NEK1: variants seen among roughly 807,000 people sequenced by gnomAD.
NEK1 encodes serine/threonine-protein kinase Nek1.
A neutral mutation model predicts 182.1 loss-of-function variants in NEK1; 137 were observed. The observed-to-expected ratio is 0.75, with a 90% CI of 0.65 to 0.87. NEK1 has a LOEUF of 0.87. Ranked by LOEUF, NEK1 falls within the 40% of genes least tolerant of loss-of-function variation. NEK1 has a pLI of 0.00. For synonymous variants in NEK1, 513 were observed against 492.2 expected (o/e 1.04, Z -0.56); for missense variants, 1,391 against 1,494.4 (o/e 0.93, Z 1.14).
chr4:169,419,655 G>A (rs148936833), intron 31 of NEK1, among the ~76,000 whole-genome samples: 11 of 152,268 alleles, frequency 7.2e-5, no homozygotes, highest in South Asian at 4.1e-4. Flanking sequence ...GATACGTTAC[G>A]AGAAAAGTGT....
intron 2 of NEK1, among the ~76,000 whole-genome samples, chr4:169,611,046 A>G (rs1227192363): frequency 6.6e-6 from 1 of 152,256 alleles, no homozygotes; most frequent in African/African-American, 2.4e-5. Flanking sequence ...CTATTCAGAC[A>G]ATATTCAACA....
chr4:169,478,806 C>A (rs1243596408), intron 24 of NEK1, among the ~76,000 whole-genome samples: 1 of 152,180 alleles, frequency 6.6e-6, no homozygotes, highest in Non-Finnish European at 1.5e-5. Context: ...CTTCTCTTAA[C>A]CCCTGAACAG....
At chr4:169,514,865 C>T (rs1345701759) in intron 19 of NEK1, among the ~76,000 whole-genome samples, 8 of 151,962 alleles carry the variant, frequency 5.3e-5, no homozygotes, top group Non-Finnish European at 8.8e-5. Flanking sequence ...TTCTTAATTA[C>T]TTCATTCTGC....
intron 16 of NEK1, among the ~76,000 whole-genome samples, chr4:169,558,028 T>C (rs1361519573): frequency 3.3e-5 from 5 of 152,088 alleles, no homozygotes; most frequent in African/African-American, 1.2e-4. Flanking sequence ...AAGACAAAAT[T>C]TGTCTTCCAT....
chr4:169,602,910 G>A (rs934760046), intron 2 of NEK1, among the ~76,000 whole-genome samples: 2 of 152,050 alleles, frequency 1.3e-5, no homozygotes, highest in Non-Finnish European at 1.5e-5. Flanking sequence ...GCTTTGGAAA[G>A]CCAAATACTG....
At chr4:169,607,601 T>C (rs1184114210) in intron 2 of NEK1, among the ~76,000 whole-genome samples, 1 of 152,026 alleles carries the variant, frequency 6.6e-6, no homozygotes, top group African/African-American at 2.4e-5. Context: ...TAGCTGGGAC[T>C]ACAGGCGCCT....
intron 27 of NEK1, among the ~76,000 whole-genome samples, chr4:169,450,258 G>A (rs1741447306): frequency 6.6e-6 from 1 of 152,150 alleles, no homozygotes; most frequent in Admixed American, 6.5e-5. Context: ...ACACTCTCCA[G>A]GATATTATCC....
Position 169,564,798 on chromosome 4 carries a change from T to C in NEK1, c.1021-2602A>G, listed in dbSNP as rs966776361. Reference sequence around the variant, plus strand: ...ATCTAAAATATGTAATACCACCCAATGGGTTAATAAACTTATAAATGATAA... The same window carrying C: ...ATCTAAAATATGTAATACCACCCAACGGGTTAATAAACTTATAAATGATAA... On this transcript the variant is annotated intron_variant, in intron 12 of 35. Coordinates refer to ENST00000507142, the MANE Select transcript of NEK1 (RefSeq NM_001199397.3). 3.9e-5 allele frequency among the ~76,000 whole-genome samples: 6 copies of C among 152,240 alleles called. No homozygotes were observed. The East Asian group carries it at 1.2e-3, about 29-fold the overall frequency.
chr4:169,426,002 G>T, intron 30 of NEK1, 144 bp downstream of exon 30: 1 of 626,810 alleles, frequency 1.6e-6, no homozygotes, highest in Non-Finnish European at 2.8e-6. Context: ...AGTCCAGTGT[G>T]CTATGCCTAT....
In NEK1 at chr4:169,518,922, C is replaced by A. The variant is rs1034128505; in HGVS notation, c.1666-10070G>T. Among the ~76,000 whole-genome samples, 2 of 68,660 alleles carry A rather than the reference C, an allele frequency of 2.9e-5. 1 individual carries two copies. Among genetic ancestry groups the A allele is most frequent in the African/African-American group, 1.8e-4 (2 of 10,948 alleles). The allele number at this position is 68,660 out of a possible 152,430, so 45.0% of individuals were successfully genotyped here. A position where few individuals can be genotyped will look rare whatever the true frequency, so the allele number is the denominator to read the frequency against. ...ACATTTGCTGAGGAGAGCTTTACTT[C>A]CAACTATGTGGTCAATTTTGGAATA... On this transcript the variant is annotated intron_variant, in intron 19 of 35. Coordinates refer to ENST00000507142, the MANE Select transcript of NEK1 (RefSeq NM_001199397.3).
chr4:169,457,304 C>T (rs1743069346), intron 27 of NEK1, among the ~76,000 whole-genome samples: 1 of 152,036 alleles, frequency 6.6e-6, no homozygotes, highest in African/African-American at 2.4e-5. Context: ...ATATCTGTAT[C>T]AAAATACCTC....
intron 19 of NEK1, among the ~76,000 whole-genome samples, chr4:169,518,811 C>T (rs1191224103): frequency 3.3e-5 from 3 of 89,794 alleles, no homozygotes; most frequent in Admixed American, 1.1e-4. Context: ...TGTAGTTGAG[C>T]GGCTTTGAGT....
chr4:169,426,610 G>A (rs936520422), intron 29 of NEK1, among the ~76,000 whole-genome samples: 6 of 152,166 alleles, frequency 3.9e-5, no homozygotes, highest in South Asian at 2.1e-4. Context: ...GAAAAGTCCC[G>A]AAGTCATTCT....
At chr4:169,498,465 T>A (rs947498655) in intron 23 of NEK1, among the ~76,000 whole-genome samples, 2 of 152,232 alleles carry the variant, frequency 1.3e-5, no homozygotes, top group African/African-American at 4.8e-5. Context: ...AGCTGGTTAT[T>A]TTGCTCATTA....
At chr4:169,413,171 ATTTT>A (rs5863996) in intron 31 of NEK1, among the ~76,000 whole-genome samples, 2 of 144,566 alleles carry the variant, frequency 1.4e-5, no homozygotes, top group Non-Finnish European at 3.0e-5. Flanking sequence ...AGTACAGCTA[ATTTT>A]TTTTTTTTTT....
At chr4:169,404,606 T>C (rs1732256448) in intron 32 of NEK1, among the ~76,000 whole-genome samples, 1 of 152,086 alleles carries the variant, frequency 6.6e-6, no homozygotes, top group Admixed American at 6.5e-5. Flanking sequence ...AAAATTCTAA[T>C]ATTTTATAAC....
intron 23 of NEK1, among the ~76,000 whole-genome samples, chr4:169,482,839 G>A (rs1748324762): frequency 6.6e-6 from 1 of 152,036 alleles, no homozygotes; most frequent in African/African-American, 2.4e-5. Context: ...GGTTCACTAT[G>A]TTAGCCAGGC....
intron 8 of NEK1, among the ~76,000 whole-genome samples, 183 bp from the exon 9 acceptor site, chr4:169,587,796 T>C (rs541083037): frequency 6.6e-6 from 1 of 151,966 alleles, no homozygotes; most frequent in East Asian, 1.9e-4. Flanking sequence ...AAAAAGAAAA[T>C]GGTTGCCCCA....
intron 23 of NEK1, among the ~76,000 whole-genome samples, chr4:169,492,553 G>T (rs992524856): frequency 1.1e-4 from 17 of 152,058 alleles, no homozygotes; most frequent in African/African-American, 4.1e-4. Context: ...GCGATTAGAG[G>T]ACTTCCTGAA....
Sources: allele counts gnomAD v4.1 joint callset (sites outside exome capture counted in the v4.1 genomes callset), GRCh38; gene constraint gnomAD v4.1.1; transcripts MANE v1.5; gene names NCBI Gene and HGNC (gene_info 2026-07-23, HGNC 2026-07-21).